Variants in SRPRA observed in about 807,000 individuals in gnomAD.
The protein encoded by SRPRA is SRP receptor subunit alpha, also known as signal recognition particle receptor subunit alpha.
A neutral mutation model predicts 61.1 loss-of-function variants in SRPRA; 30 were observed. That is an observed-to-expected ratio of 0.49 (90% CI 0.37 to 0.67). The LOEUF (loss-of-function observed/expected upper bound fraction) is 0.67. SRPRA is among the 30% of genes least tolerant of loss of function. The probability of loss-of-function intolerance (pLI) is 0.00; values close to 1 mark genes in which losing one functional copy is unlikely to be tolerated. For synonymous variants in SRPRA, 324 were observed against 299.7 expected (o/e 1.08, Z -0.84); for missense variants, 759 against 828.4 (o/e 0.92, Z 1.03).
chr11:126,259,794 C>T (rs1023755876), downstream of SRPRA, among the ~76,000 whole-genome samples: 1 of 151,448 alleles, frequency 6.6e-6, no homozygotes, highest in Non-Finnish European at 1.5e-5. Flanking sequence ...AATCTCAGCT[C>T]ACTGCAAGCT....
chr11:126,266,415 C>T, intron 6 of SRPRA, 61 bp downstream of exon 6: 9 of 1,598,862 alleles, frequency 5.6e-6, no homozygotes, highest in Non-Finnish European at 7.7e-6. Flanking sequence ...TATCACGTTC[C>T]CACACTCTAC....
chr11:126,254,810 G>A, the SRPRA span, among the ~76,000 whole-genome samples: 1 of 152,188 alleles, frequency 6.6e-6, no homozygotes, highest in Non-Finnish European at 1.5e-5. Context: ...TTGGGTGACA[G>A]AGCAAGGCCC....
the SRPRA span, among the ~76,000 whole-genome samples, chr11:126,239,447 A>T: frequency 6.6e-6 from 1 of 152,064 alleles, no homozygotes; most frequent in Admixed American, 6.5e-5. Context: ...GTTTATGTGG[A>T]TTTGTGTATG....
At position 126,263,792 on chromosome 11, in the gene SRPRA, G is replaced by A. The variant is rs933895436; in HGVS notation, c.*124C>T. 258 of 1,361,568 alleles carry A rather than the reference G, an allele frequency of 1.9e-4. No individual in the cohort carries two copies. The highest frequency in any genetic ancestry group is 5.4e-4 in the Middle Eastern group (2 of 3,712). 84.3% of individuals were successfully genotyped at this position (1,361,568 alleles called of 1,614,324 possible). On this transcript the variant is annotated 3_prime_UTR_variant, in exon 14 of 14. Transcript: ENST00000332118. ...GGAGTGGGGTTGGAAGGAGCCACAAGCCCCCTCACTCTGCCTTTGTACTAC... is the reference window on the plus strand; with the variant it reads ...GGAGTGGGGTTGGAAGGAGCCACAAACCCCCTCACTCTGCCTTTGTACTAC...
the SRPRA span, among the ~76,000 whole-genome samples, chr11:126,241,835 C>A: frequency 6.6e-6 from 1 of 152,052 alleles, no homozygotes; most frequent in Non-Finnish European, 1.5e-5. Flanking sequence ...TAGGCATGAG[C>A]CACTGCACCC....
chr11:126,245,891 G>A, the SRPRA span, among the ~76,000 whole-genome samples: 1 of 151,840 alleles, frequency 6.6e-6, no homozygotes, highest in East Asian at 1.9e-4. Flanking sequence ...AGCTACTGGG[G>A]AGGCTGAGGC....
At chr11:126,261,859 CTG>C (rs1434888502), downstream of SRPRA, among the ~76,000 whole-genome samples, 1 of 151,956 alleles carries the variant, frequency 6.6e-6, no homozygotes, top group Non-Finnish European at 1.5e-5. Flanking sequence ...AGGTCTGGTG[CTG>C]TGTGCCTATA....
downstream of SRPRA, among the ~76,000 whole-genome samples, chr11:126,258,846 AAT>A (rs530995710): frequency 2.7e-3 from 408 of 152,358 alleles, 1 homozygote; most frequent in African/African-American, 9.4e-3. Flanking sequence ...GCAAAAAATA[AAT>A]ATGTCTTTAG....
At chr11:126,259,867 C>A (rs1223982517), downstream of SRPRA, among the ~76,000 whole-genome samples, 1 of 151,748 alleles carries the variant, frequency 6.6e-6, no homozygotes, top group Non-Finnish European at 1.5e-5. Flanking sequence ...ACTAAAGGCG[C>A]CCGCCACCAC....
chr11:126,267,936 T>A lies in SRPRA; in HGVS notation c.201+67A>T, dbSNP rs141685103. ...CATCATATACACTGGCTGCAATTAA[T>A]CAGAGTTCTCTTAAAAATCAGGGCT... is the stretch of plus-strand genomic sequence containing the variant. On this transcript the variant is annotated intron_variant, in intron 2 of 13. Transcript: ENST00000332118. This position sits in a 1 kb window ranked among gnomAD's most constrained non-coding sequence, Gnocchi z 4.2. The A allele has an allele frequency of 1.5e-4, 224 of 1,539,060 alleles. No homozygotes were observed. The East Asian group carries it at 5.0e-3, about 34-fold the overall frequency.
the SRPRA span, among the ~76,000 whole-genome samples, chr11:126,248,773 C>A: frequency 6.6e-6 from 1 of 152,206 alleles, no homozygotes; most frequent in African/African-American, 2.4e-5. Flanking sequence ...TTAATCACGT[C>A]TTACTAGGTC....
the SRPRA span, among the ~76,000 whole-genome samples, chr11:126,256,266 A>C: frequency 6.6e-6 from 1 of 152,230 alleles, no homozygotes; most frequent in Non-Finnish European, 1.5e-5. This position sits in a 1 kb window ranked among gnomAD's most constrained non-coding sequence, Gnocchi z 6.6. Flanking sequence ...ACTCCGTCTC[A>C]AAAAATATAT....
rs1565346126 is a variant in SRPRA at position 126,265,739 on chromosome 11, C to G, written c.1136G>C (p.Ser379Thr). 6.2e-7 allele frequency: 1 copy of G among 1,614,192 alleles called. No individual in the cohort carries two copies. Among genetic ancestry groups the G allele is most frequent in the South Asian group, 1.1e-5 (1 of 91,084 alleles). The change falls in exon 9 of 14, where the codon AGC (serine) becomes ACC (threonine). Residue 379 changes from serine (S) to threonine (T), a missense_variant and splice_region_variant. This residue lies in a region of SRPRA where 284 missense variants were observed against 365.9 expected (regional missense o/e 0.78). Transcript: ENST00000332118. This position sits in a 1 kb window ranked among gnomAD's most constrained non-coding sequence, Gnocchi z 6.3. The part of the protein sequence containing the change: ...KLEGKVMGTF[S>T]TVTSTVKQAL... Reference sequence around the variant, plus strand: ...TTCTCACTTAGGTAAGTACTTACTGCTGAACGTCCCCATCACCTTCCCTTC... The same window carrying G: ...TTCTCACTTAGGTAAGTACTTACTGGTGAACGTCCCCATCACCTTCCCTTC...
the SRPRA span, among the ~76,000 whole-genome samples, chr11:126,244,632 C>T: frequency 6.6e-5 from 10 of 152,058 alleles, no homozygotes; most frequent in Non-Finnish European, 1.2e-4. The surrounding 1 kb of genome is among the most constrained non-coding windows in gnomAD (Gnocchi z 4.5). Context: ...GGTGAAACCC[C>T]GTCTCTACTA....
chr11:126,250,308 G>C, the SRPRA span, among the ~76,000 whole-genome samples: 5 of 152,046 alleles, frequency 3.3e-5, no homozygotes, highest in Non-Finnish European at 5.9e-5. The surrounding 1 kb of genome is among the most constrained non-coding windows in gnomAD (Gnocchi z 5.1). Flanking sequence ...AGCCAGGATG[G>C]TCTCGATCTC....
At chr11:126,252,135 C>G in the SRPRA span, among the ~76,000 whole-genome samples, 3 of 151,908 alleles carry the variant, frequency 2.0e-5, no homozygotes, top group Admixed American at 2.0e-4. The surrounding 1 kb of genome is among the most constrained non-coding windows in gnomAD (Gnocchi z 4.7). Context: ...TACAGGCACC[C>G]GCCATCACGT....
At chr11:126,239,653 A>G in the SRPRA span, among the ~76,000 whole-genome samples, 45,257 of 152,026 alleles carry the variant, frequency 0.3, 7,331 homozygotes, top group South Asian at 0.38. Flanking sequence ...AGCTGGGACT[A>G]CAGGTGTGCG....
At chr11:126,239,266 T>C in the SRPRA span, among the ~76,000 whole-genome samples, 3 of 152,248 alleles carry the variant, frequency 2.0e-5, no homozygotes, top group Admixed American at 2.0e-4. Flanking sequence ...CTTAGCCAAA[T>C]TGGAAGTCTT....
Position 126,267,074 on chromosome 11 carries a change from T to C in SRPRA, c.526+101A>G. The C allele has an allele frequency of 2.0e-6, 3 of 1,534,212 alleles. No homozygotes were observed. In the South Asian group the frequency reaches 3.7e-5, roughly 19 times the overall value. On this transcript the variant is annotated intron_variant, in intron 4 of 13. Coordinates refer to ENST00000332118, the MANE Select transcript of SRPRA (RefSeq NM_003139.4). The surrounding 1 kb of genome is among the most constrained non-coding windows in gnomAD (Gnocchi z 4.2). ...GATTATAGGATGGTGACCATTTGAG[T>C]GAGAAGCAGGTAAGCAATGACAAAA...
Sources: gnomAD v4.1 joint callset for allele counts (sites outside exome capture counted in the v4.1 genomes callset) on GRCh38, gnomAD v4.1.1 for gene constraint, gnomAD v4.1.1 regional missense constraint, Gnocchi (gnomAD v3.1) non-coding constraint, MANE v1.5 for transcripts, NCBI Gene and HGNC (gene_info 2026-07-23, HGNC 2026-07-21) for gene names.